Variants in ABCA5 observed in about 807,000 individuals in gnomAD.
The protein encoded by ABCA5 is cholesterol transporter ABCA5.
ABCA5 carries 163 observed loss-of-function variants against 206.0 expected under a neutral mutation model. The ratio of observed to expected loss-of-function variants is 0.79; its 90% CI spans 0.70 to 0.90. ABCA5 has a LOEUF of 0.90. ABCA5 is among the 40% of genes least tolerant of loss of function. The probability of loss-of-function intolerance (pLI) is 0.00; values close to 1 mark genes in which losing one functional copy is unlikely to be tolerated. For synonymous variants in ABCA5, 609 were observed against 613.8 expected, an observed-to-expected ratio of 0.99 and a Z score of 0.11; for missense variants, 1,859 against 1,912.9, an observed-to-expected ratio of 0.97 and a Z score of 0.53.
In ABCA5 at chr17:69,303,807, T is replaced by TATATATATACAC. The variant is rs1474929503; in HGVS notation, c.930+861_930+862insGTGTATATATAT. Among the ~76,000 whole-genome samples the TATATATATACAC allele has an allele frequency of 1.1e-3, 6 of 5,226 alleles. 1 individual carries two copies. The highest frequency in any genetic ancestry group is 0.029 in the South Asian group (1 of 34). The allele number at this position is 5,226 out of a possible 152,430, so 3.4% of individuals were successfully genotyped here. ...AAAAATATATATATATATATATATATACATACATATATATATATGTATATA... is the reference window on the plus strand; with the variant it reads ...AAAAATATATATATATATATATATATATATATATACACACATACATATATATATATGTATATA... On this transcript the variant is annotated intron_variant, in intron 7 of 38. Coordinates refer to ENST00000392676, the MANE Select transcript of ABCA5 (RefSeq NM_172232.4).
At chr17:69,271,825 G>T (rs867095091) in intron 20 of ABCA5, among the ~76,000 whole-genome samples, 1 of 152,296 alleles carries the variant, frequency 6.6e-6, no homozygotes, top group Non-Finnish European at 1.5e-5. Flanking sequence ...ACTCCCTAGA[G>T]AATTTTTTGT....
chr17:69,322,510 TAATTAA>T (rs2075873103), intron 1 of ABCA5, among the ~76,000 whole-genome samples: 1 of 152,062 alleles, frequency 6.6e-6, no homozygotes, highest in South Asian at 2.1e-4. Flanking sequence ...TGAATTTAAT[TAATTAA>T]AATAAGAAAT....
At chr17:69,284,708 T>C (rs940635777) in intron 17 of ABCA5, among the ~76,000 whole-genome samples, 2 of 152,214 alleles carry the variant, frequency 1.3e-5, no homozygotes, top group African/African-American at 4.8e-5. Flanking sequence ...AGAAGACAGA[T>C]GGGTTCTCAT....
chr17:69,322,042 A>G (rs1372693064), intron 1 of ABCA5, among the ~76,000 whole-genome samples: 1 of 152,162 alleles, frequency 6.6e-6, no homozygotes, highest in Non-Finnish European at 1.5e-5. Flanking sequence ...TCCAAAGTTC[A>G]ATATCAAAAA....
At chr17:69,266,781 AAT>A (rs2075213981) in intron 23 of ABCA5, among the ~76,000 whole-genome samples, 1 of 148,820 alleles carries the variant, frequency 6.7e-6, no homozygotes, top group Non-Finnish European at 1.5e-5. Context: ...ACAAAAATTG[AAT>A]ATTATTTTAA....
At position 69,256,194 on chromosome 17, in the gene ABCA5, T is replaced by A. The variant is rs1351103510; in HGVS notation, c.3821A>T (p.Lys1274Met). The stretch of plus-strand genomic sequence containing the variant: ...CTGGCAACCCATCAGCTCTTTGACC[T>A]TTAGTCTTTCAGCTTTGACATCTTC... ...EDEDVKAERLKVKELMGCQCC... is the reference protein window; with the variant it reads ...EDEDVKAERLMVKELMGCQCC... The change falls in exon 29 of 39, where the codon AAG becomes ATG. Residue 1274 changes from lysine to methionine, a missense_variant. By Grantham distance (95) the Lys-to-Met change is moderately conservative. Coordinates refer to ENST00000392676, the MANE Select transcript of ABCA5 (RefSeq NM_172232.4). 3 of 1,610,124 alleles carry A rather than the reference T, an allele frequency of 1.9e-6. No homozygotes were observed. The highest frequency in any genetic ancestry group is 2.5e-6 in the Non-Finnish European group (3 of 1,178,072).
At chr17:69,255,172 A>G (rs2075060175) in intron 31 of ABCA5, among the ~76,000 whole-genome samples, 1 of 152,300 alleles carries the variant, frequency 6.6e-6, no homozygotes, top group Admixed American at 6.5e-5. Context: ...AGTTTTGTGA[A>G]GTATCCACAA....
Position 69,285,947 on chromosome 17 carries a change from G to A in ABCA5, c.2223C>T (p.Asp741=). Residue 741 remains aspartate, a synonymous_variant, in exon 17 of 39, where the codon GAC becomes GAT. Transcript: ENST00000392676. ...IPGATLLQQN[D]QQLVYSLPFK... The stretch of plus-strand genomic sequence containing the variant: ...AAGGCAAGCTATACACAAGTTGTTG[G>A]TCATTCTGTTGTAATAAAGTAGCTC... 6.2e-7 allele frequency: 1 copy of A among 1,613,126 alleles called. No homozygotes were observed.
At chr17:69,322,035 A>G (rs1229159568) in intron 1 of ABCA5, among the ~76,000 whole-genome samples, 2 of 152,296 alleles carry the variant, frequency 1.3e-5, no homozygotes, top group East Asian at 3.9e-4. Context: ...TGCATAATCC[A>G]AAGTTCAATA....
At position 69,315,938 on chromosome 17, in the gene ABCA5, A is replaced by T. The variant is rs575625208; in HGVS notation, c.-15-1508T>A. 2.0e-5 allele frequency among the ~76,000 whole-genome samples: 3 copies of T among 152,294 alleles called. No homozygotes were observed. The South Asian group carries it at 6.2e-4, about 32-fold the overall frequency. On this transcript the variant is annotated intron_variant, in intron 1 of 38. Transcript: ENST00000392676. The stretch of plus-strand genomic sequence containing the variant: ...AAAGTACTCTTGAAAGCAATGAAAA[A>T]TAGAAAATCTTAGCAAAGAAACAAG...
In ABCA5 at chr17:69,248,257, A is replaced by G; in HGVS notation, c.4821+5T>C. On this transcript the variant is annotated splice_donor_5th_base_variant and intron_variant, in intron 38 of 38. Transcript: ENST00000392676. ...ATAATTTTTAAAAATTTAACTTTATAGTACCTGTTCCAATGTTGCTTGAGA... is the reference window on the plus strand; with the variant it reads ...ATAATTTTTAAAAATTTAACTTTATGGTACCTGTTCCAATGTTGCTTGAGA... 6.6e-7 allele frequency: 1 copy of G among 1,516,978 alleles called. No individual in the cohort carries two copies. The highest frequency in any genetic ancestry group is 9.0e-7 in the Non-Finnish European group (1 of 1,109,132). The allele number at this position is 1,516,978 out of a possible 1,614,324, so 94.0% of individuals were successfully genotyped here.
At chr17:69,270,581 A>G in intron 22 of ABCA5, 32 bp downstream of exon 22, 1 of 1,542,038 alleles carries the variant, frequency 6.5e-7, no homozygotes, top group Non-Finnish European at 8.7e-7. Context: ...TGACATGCAT[A>G]TGGAAATTTA....
Position 69,293,779 on chromosome 17 carries a change from T to A in ABCA5, c.1495+876A>T, listed in dbSNP as rs117602171. On this transcript the variant is annotated intron_variant, in intron 11 of 38. Transcript: ENST00000392676. ...ACATTTACCAGGGCCCACTATCTCA[T>A]GAAGTAATTACTTAAAACAAACCTC... 5.7e-3 allele frequency among the ~76,000 whole-genome samples: 858 copies of A among 151,462 alleles called. 12 individuals are homozygous for A. Among genetic ancestry groups the A allele is most frequent in the East Asian group, 0.025 (126 of 5,122 alleles).
intron 9 of ABCA5, among the ~76,000 whole-genome samples, chr17:69,299,471 T>TACACATAC (rs1555583145): frequency 7.0e-6 from 1 of 142,400 alleles, no homozygotes; most frequent in African/African-American, 2.6e-5. Context: ...CACACACACA[T>TACACATAC]ACACACACAC....
chr17:69,280,406 A>C (rs973157796), intron 18 of ABCA5, among the ~76,000 whole-genome samples: 15 of 150,420 alleles, frequency 1.0e-4, no homozygotes, highest in African/African-American at 3.6e-4. Flanking sequence ...GAGGATATGG[A>C]GAAACAGGAA....
At chr17:69,257,433 G>A (rs912357456) in intron 28 of ABCA5, among the ~76,000 whole-genome samples, 3 of 151,520 alleles carry the variant, frequency 2.0e-5, no homozygotes, top group Admixed American at 1.3e-4. Flanking sequence ...TAAATAAGTT[G>A]AGCCTATTAG....
At chr17:69,287,511 A>C in intron 15 of ABCA5, 102 bp downstream of exon 15, 1 of 1,390,324 alleles carries the variant, frequency 7.2e-7, no homozygotes, top group Non-Finnish European at 9.5e-7. Flanking sequence ...ACATACCACT[A>C]GGTAAAAGCT....
intron 9 of ABCA5, among the ~76,000 whole-genome samples, chr17:69,299,747 T>C (rs909994216): frequency 1.3e-5 from 2 of 151,918 alleles, no homozygotes; most frequent in African/African-American, 2.4e-5. Context: ...CTGGGTACAG[T>C]GTACATTGCT....
intron 15 of ABCA5, among the ~76,000 whole-genome samples, chr17:69,286,589 C>T (rs1434472264): frequency 1.8e-4 from 28 of 152,138 alleles, no homozygotes. Flanking sequence ...AGTCTACTTA[C>T]CATATGTTAT....
Sources: allele counts gnomAD v4.1 joint callset (sites outside exome capture counted in the v4.1 genomes callset), GRCh38; gene constraint gnomAD v4.1.1; transcripts MANE v1.5; gene names NCBI Gene and HGNC (gene_info 2026-07-23, HGNC 2026-07-21).